Variants in CCDC146 observed in about 807,000 individuals in gnomAD.
CCDC146 encodes coiled-coil domain-containing protein 146.
CCDC146 carries 92 observed loss-of-function variants against 119.3 expected under a neutral mutation model. The ratio of observed to expected loss-of-function variants is 0.77; its 90% CI spans 0.65 to 0.92. CCDC146 has a LOEUF of 0.92. CCDC146 is among the 40% of genes least tolerant of loss of function. The pLI is 0.00. For missense variants in CCDC146, 1,000 were observed against 1,103.0 expected (o/e 0.91, Z 1.32); for synonymous variants, 372 against 371.8 (o/e 1.00, Z -0.01).
chr7:77,258,750 T>C (rs1011086365), intron 6 of CCDC146, among the ~76,000 whole-genome samples: 2 of 152,176 alleles, frequency 1.3e-5, no homozygotes, highest in African/African-American at 4.8e-5. Context: ...TGTACCTCCA[T>C]AAAGGGAATC....
intron 17 of CCDC146, among the ~76,000 whole-genome samples, chr7:77,289,429 C>A (rs73703313): frequency 0.15 from 23,416 of 152,086 alleles, 3,009 homozygotes; most frequent in African/African-American, 0.35. Context: ...TCCTCCCCAG[C>A]TTTCACTGTC....
chr7:77,158,680 C>T (rs567595561), intron 1 of CCDC146, among the ~76,000 whole-genome samples: 18 of 152,042 alleles, frequency 1.2e-4, no homozygotes, highest in African/African-American at 3.1e-4. Context: ...CCACCATGCC[C>T]GGCTAATTTT....
chr7:77,163,598 C>T (rs1482211438), intron 1 of CCDC146, among the ~76,000 whole-genome samples: 1 of 152,038 alleles, frequency 6.6e-6, no homozygotes, highest in Non-Finnish European at 1.5e-5. Flanking sequence ...CAAAGGAGTG[C>T]TATGCAGGTA....
chr7:77,200,468 ACCCATTTAAAAGGACATAATT>A (rs1791967154), intron 2 of CCDC146, among the ~76,000 whole-genome samples: 1 of 152,228 alleles, frequency 6.6e-6, no homozygotes. Flanking sequence ...AATGTCTAAG[ACCCATTTAAAAGGACATAATT>A]GTCTTTCATC....
Position 77,196,481 on chromosome 7 carries a change from A to G in CCDC146, c.156+28657A>G. Reference sequence around the variant, plus strand: ...AAACCACCAGCCTGAACTGTAGTACAGCCCACAGTTCCCAGAAGGATATCG... The same window carrying G: ...AAACCACCAGCCTGAACTGTAGTACGGCCCACAGTTCCCAGAAGGATATCG... On this transcript the variant is annotated intron_variant, in intron 2 of 18. Transcript: ENST00000285871. The surrounding 1 kb of genome is among the most constrained non-coding windows in gnomAD (Gnocchi z 4.2). 1 of 1,614,100 alleles carries G rather than the reference A, an allele frequency of 6.2e-7. No individual in the cohort carries two copies. The highest frequency in any genetic ancestry group is 8.5e-7 in the Non-Finnish European group (1 of 1,179,926).
At chr7:77,142,466 G>C (rs1299429957) in intron 1 of CCDC146, among the ~76,000 whole-genome samples, 1 of 151,626 alleles carries the variant, frequency 6.6e-6, no homozygotes, top group Admixed American at 6.6e-5. Context: ...ACAATGTGCA[G>C]GTTTGTTACA....
chr7:77,170,258 T>C (rs1425725766), intron 2 of CCDC146, among the ~76,000 whole-genome samples: 1 of 152,206 alleles, frequency 6.6e-6, no homozygotes, highest in Non-Finnish European at 1.5e-5. Flanking sequence ...ATTAATTCAC[T>C]CAGGATTGTG....
At chr7:77,124,556 T>A (rs148157844) in intron 1 of CCDC146, among the ~76,000 whole-genome samples, 7,428 of 152,250 alleles carry the variant, frequency 0.049, 549 homozygotes, top group African/African-American at 0.17. Context: ...CTTTTATCAC[T>A]CTACCAAAAC....
At chr7:77,242,308 T>C in intron 4 of CCDC146, 1 of 867,278 alleles carries the variant, frequency 1.2e-6, no homozygotes, top group Non-Finnish European at 1.4e-6. Flanking sequence ...CAAACAAGCC[T>C]CCATGAGCTG....
At chr7:77,215,169 G>A (rs1237244109) in intron 2 of CCDC146, among the ~76,000 whole-genome samples, 1 of 145,598 alleles carries the variant, frequency 6.9e-6, no homozygotes, top group East Asian at 2.0e-4. Context: ...AGGTGTTGTG[G>A]GGTGTTTTTA....
At chr7:77,283,013 T>G (rs1793790623) in intron 15 of CCDC146, among the ~76,000 whole-genome samples, 1 of 152,218 alleles carries the variant, frequency 6.6e-6, no homozygotes, top group African/African-American at 2.4e-5. Context: ...TTTTCTGCTT[T>G]TCTTGGAATT....
At chr7:77,265,192 G>T (rs562326075) in intron 9 of CCDC146, among the ~76,000 whole-genome samples, 1 of 152,208 alleles carries the variant, frequency 6.6e-6, no homozygotes, top group Non-Finnish European at 1.5e-5. Flanking sequence ...ATAGTAGACC[G>T]CAGTTATAAT....
intron 3 of CCDC146, among the ~76,000 whole-genome samples, chr7:77,237,246 C>T (rs1027966351): frequency 3.9e-5 from 6 of 152,092 alleles, no homozygotes; most frequent in East Asian, 1.9e-4. Context: ...TGTACATCTG[C>T]GAGTTTATAT....
intron 2 of CCDC146, among the ~76,000 whole-genome samples, chr7:77,209,278 A>AAAGTAGG (rs1406035681): frequency 1.3e-5 from 2 of 152,234 alleles, no homozygotes; most frequent in African/African-American, 2.4e-5. Context: ...CAGCCAAAAC[A>AAAGTAGG]AAGTAGGTAC....
At chr7:77,262,070 A>C in intron 8 of CCDC146, 51 bp from the exon 9 acceptor site, 1 of 1,441,066 alleles carries the variant, frequency 6.9e-7, no homozygotes, top group Non-Finnish European at 9.4e-7. Context: ...AAAAACATTT[A>C]GGACAGCTGA....
intron 1 of CCDC146, 109 bp from the exon 2 acceptor site, chr7:77,167,549 G>A: frequency 1.2e-6 from 1 of 846,200 alleles, no homozygotes; most frequent in Non-Finnish European, 1.6e-6. Context: ...TAGTTTCATT[G>A]AACAATAGCT....
intron 9 of CCDC146, among the ~76,000 whole-genome samples, chr7:77,271,544 ATATATATATATATATATATATATATG>A (rs1793520048): frequency 1.9e-5 from 2 of 107,332 alleles, no homozygotes; most frequent in Non-Finnish European, 3.5e-5. Context: ...ATATATATAT[ATATATATATATATATATATATATATG>A]GAGATACAAA....
At chr7:77,261,328 T>C (rs970087531) in intron 8 of CCDC146, among the ~76,000 whole-genome samples, 7 of 152,218 alleles carry the variant, frequency 4.6e-5, no homozygotes, top group Non-Finnish European at 1.0e-4. Flanking sequence ...TGTGTCCATG[T>C]ATCCTCATCA....
At chr7:77,203,704 T>G (rs944325656) in intron 2 of CCDC146, among the ~76,000 whole-genome samples, 5 of 152,214 alleles carry the variant, frequency 3.3e-5, no homozygotes, top group African/African-American at 1.2e-4. Flanking sequence ...TGACTCCTAG[T>G]ATCGGCTGCT....
Sources: gnomAD v4.1 joint callset for allele counts (sites outside exome capture counted in the v4.1 genomes callset) on GRCh38, gnomAD v4.1.1 for gene constraint, Gnocchi (gnomAD v3.1) non-coding constraint, MANE v1.5 for transcripts, NCBI Gene and HGNC (gene_info 2026-07-23, HGNC 2026-07-21) for gene names.